The following DGKG variants were observed in gnomAD, a reference collection of about 807,000 sequenced individuals.
DGKG encodes the protein diacylglycerol kinase gamma.
DGKG carries 78 observed loss-of-function variants against 105.3 expected under a neutral mutation model. That is an observed-to-expected ratio of 0.74 (90% CI 0.62 to 0.89). The LOEUF (loss-of-function observed/expected upper bound fraction) is 0.89, where lower values mean the gene tolerates loss of function less well. DGKG is among the 40% of genes least tolerant of loss of function. The pLI is 0.00. For synonymous variants in DGKG, 346 were observed against 367.1 expected (o/e 0.94, Z 0.66); for missense variants, 958 against 1,020.1 (o/e 0.94, Z 0.83).
At chr3:186,357,779 GAC>G (rs146882720) in intron 1 of DGKG, among the ~76,000 whole-genome samples, 1 of 152,174 alleles carries the variant, frequency 6.6e-6, no homozygotes, top group Non-Finnish European at 1.5e-5. Flanking sequence ...GACAGACATA[GAC>G]ACACACTTTG....
chr3:186,257,860 A>G lies in DGKG; in HGVS notation c.1504T>C (p.Cys502Arg). 2 of 1,613,664 alleles carry G rather than the reference A, an allele frequency of 1.2e-6. No individual in the cohort carries two copies. The change falls in exon 17 of 25, where the codon TGC becomes CGC. Residue 502 changes from cysteine (C) to arginine (R), a missense_variant. This residue lies in a region of DGKG where 315 missense variants were observed against 400.6 expected (regional missense o/e 0.79). Coordinates refer to ENST00000265022, the MANE Select transcript of DGKG (RefSeq NM_001346.3). ...CCTCTCAGCCCATGCTTACCAATGCAATCCAAAATCCAGCCAACTGTCCCA... is the reference window on the plus strand; with the variant it reads ...CCTCTCAGCCCATGCTTACCAATGCGATCCAAAATCCAGCCAACTGTCCCA... Reference protein sequence around the residue: ...GDGTVGWILDCIDKANFAKHP... With the variant: ...GDGTVGWILDRIDKANFAKHP...
intron 22 of DGKG, among the ~76,000 whole-genome samples, chr3:186,177,992 G>A (rs1342821543): frequency 6.6e-6 from 1 of 152,152 alleles, no homozygotes; most frequent in Non-Finnish European, 1.5e-5. Context: ...TGAGGGTGGA[G>A]TCCTTGTGAA....
At chr3:186,158,407 C>T (rs1182676068) in intron 24 of DGKG, 8 of 983,156 alleles carry the variant, frequency 8.1e-6, no homozygotes, top group Non-Finnish European at 9.7e-6. Flanking sequence ...CTTTGATCTC[C>T]TCATAAATCT....
chr3:186,197,837 G>A (rs1246318116), intron 21 of DGKG, among the ~76,000 whole-genome samples: 8 of 152,286 alleles, frequency 5.3e-5, no homozygotes, highest in South Asian at 4.1e-4. Flanking sequence ...TTTTATGCCC[G>A]TTAACATACC....
At chr3:186,207,466 G>A in intron 21 of DGKG, 1 of 985,400 alleles carries the variant, frequency 1.0e-6, no homozygotes, top group Non-Finnish European at 1.2e-6. Flanking sequence ...AGGTGATTAT[G>A]ACACCTGCCA....
intron 21 of DGKG, among the ~76,000 whole-genome samples, chr3:186,194,910 C>G (rs1718103329): frequency 6.6e-6 from 1 of 151,504 alleles, no homozygotes; most frequent in South Asian, 2.1e-4. Flanking sequence ...TCGAAACCAG[C>G]CTGGCCAACA....
At chr3:186,265,443 C>A in intron 13 of DGKG, 137 bp from the exon 14 acceptor site, 1 of 745,896 alleles carries the variant, frequency 1.3e-6, no homozygotes, top group Non-Finnish European at 2.2e-6. Flanking sequence ...AGGTTTTCAA[C>A]ATAGGGCTTC....
chr3:186,351,403 C>T (rs1455951166), intron 1 of DGKG, among the ~76,000 whole-genome samples: 2 of 152,126 alleles, frequency 1.3e-5, no homozygotes, highest in African/African-American at 4.8e-5. Context: ...ACCCTAACTA[C>T]TGGTTAAAAA....
rs1247010430 is a variant in DGKG at position 186,292,801 on chromosome 3, C to G, written c.374-3921G>C. Among the ~76,000 whole-genome samples, 4 of 151,428 alleles carry G rather than the reference C, an allele frequency of 2.6e-5. No individual in the cohort carries two copies. In the East Asian group the frequency reaches 7.8e-4, roughly 29 times the overall value. ...CCAGCCTGGGCAACAGAGCGAGACT[C>G]CATCTCAAAAAAAAAAAGAAGAAAC... is the stretch of plus-strand genomic sequence containing the variant. On this transcript the variant is annotated intron_variant, in intron 5 of 24. Transcript: ENST00000265022.
intron 1 of DGKG, among the ~76,000 whole-genome samples, chr3:186,347,186 C>A (rs559789178): frequency 6.6e-6 from 1 of 151,992 alleles, no homozygotes; most frequent in African/African-American, 2.4e-5. Context: ...GGGCGGCTCA[C>A]CCCCGTAATC....
intron 24 of DGKG, chr3:186,160,692 C>G: frequency 1.0e-5 from 10 of 985,442 alleles, no homozygotes; most frequent in Non-Finnish European, 1.2e-5. Flanking sequence ...AGAAACTCCA[C>G]TTTTGTCTTT....
intron 22 of DGKG, among the ~76,000 whole-genome samples, chr3:186,179,324 G>C (rs1003421075): frequency 9.2e-5 from 14 of 152,152 alleles, no homozygotes; most frequent in Admixed American, 2.6e-4. Context: ...ACTGTATAAT[G>C]CACCTAGCCT....
intron 20 of DGKG, among the ~76,000 whole-genome samples, chr3:186,241,538 GT>G (rs1720685303): frequency 6.6e-6 from 1 of 151,496 alleles, no homozygotes; most frequent in Non-Finnish European, 1.5e-5. Context: ...GGGTGACAGA[GT>G]GAGATTCCAT....
chr3:186,211,546 G>A (rs1338332594), intron 21 of DGKG, among the ~76,000 whole-genome samples: 1 of 152,198 alleles, frequency 6.6e-6, no homozygotes, highest in Non-Finnish European at 1.5e-5. Flanking sequence ...GAGGGCTGAG[G>A]GCTGGAATGA....
At chr3:186,246,654 A>G (rs1244087746) in intron 19 of DGKG, among the ~76,000 whole-genome samples, 1 of 152,254 alleles carries the variant, frequency 6.6e-6, no homozygotes, top group African/African-American at 2.4e-5. Context: ...CCACTGTATT[A>G]GTATCTTCAT....
intron 14 of DGKG, among the ~76,000 whole-genome samples, chr3:186,263,182 A>G (rs1310445496): frequency 6.6e-6 from 1 of 151,880 alleles, no homozygotes. Context: ...CACCACCACC[A>G]ACAAAAACCT....
intron 12 of DGKG, 77 bp downstream of exon 12, chr3:186,268,724 A>G (rs1722174917): frequency 1.5e-5 from 16 of 1,051,202 alleles, no homozygotes; most frequent in Non-Finnish European, 1.5e-6. Flanking sequence ...CTCTGGCCGG[A>G]TATTCACTGC....
At chr3:186,251,646 G>C (rs548651518) in intron 19 of DGKG, 113 bp downstream of exon 19, 3 of 1,218,094 alleles carry the variant, frequency 2.5e-6, no homozygotes, top group South Asian at 1.3e-5. Flanking sequence ...ACTCAGGGCT[G>C]GGGGGGCAGG....
intron 24 of DGKG, among the ~76,000 whole-genome samples, chr3:186,156,480 C>T (rs1432767851): frequency 1.3e-5 from 2 of 151,996 alleles, no homozygotes; most frequent in African/African-American, 4.8e-5. Context: ...ATTATCATGC[C>T]AATAGCATGT....
Sources: gnomAD v4.1 joint callset for allele counts (sites outside exome capture counted in the v4.1 genomes callset) on GRCh38, gnomAD v4.1.1 for gene constraint, gnomAD v4.1.1 regional missense constraint, MANE v1.5 for transcripts, NCBI Gene and HGNC (gene_info 2026-07-23, HGNC 2026-07-21) for gene names.